The following ALG9 variants were observed in gnomAD, a reference collection of about 807,000 sequenced individuals.
ALG9 encodes alpha-1,2-mannosyltransferase ALG9.
ALG9 carries 55 observed loss-of-function variants against 81.8 expected under a neutral mutation model. The observed-to-expected ratio is 0.67, with a 90% confidence interval of 0.54 to 0.84. The LOEUF (loss-of-function observed/expected upper bound fraction) is 0.84, where lower values mean the gene tolerates loss of function less well. Ranked by LOEUF, ALG9 falls within the 40% of genes least tolerant of loss-of-function variation. The probability of loss-of-function intolerance (pLI) is 0.00; values close to 1 mark genes in which losing one functional copy is unlikely to be tolerated. For missense variants in ALG9, 629 were observed against 745.0 expected (o/e 0.84, Z 1.81); for synonymous variants, 278 against 274.3 (o/e 1.01, Z -0.13).
At chr11:111,841,030 G>C (rs1956138975) in intron 9 of ALG9, among the ~76,000 whole-genome samples, 1 of 152,058 alleles carries the variant, frequency 6.6e-6, no homozygotes, top group African/African-American at 2.4e-5. Flanking sequence ...CTAACAACAA[G>C]CACAATACTA....
chr11:111,768,842 C>CGTGTGT, the ALG9 span: 2,815 of 142,898 alleles, frequency 0.02, 38 homozygotes, highest in Middle Eastern at 0.074. Context: ...TGTGTGTGTG[C>CGTGTGT]GTGTGTGTGT....
intron 3 of ALG9, among the ~76,000 whole-genome samples, chr11:111,867,227 CCT>C (rs1216041103): frequency 6.6e-6 from 1 of 152,210 alleles, no homozygotes; most frequent in Non-Finnish European, 1.5e-5. Flanking sequence ...TGCAATCATA[CCT>C]CTCTTTTGTC....
At chr11:111,800,388 G>A (rs1342647292) in intron 14 of ALG9, among the ~76,000 whole-genome samples, 4 of 152,056 alleles carry the variant, frequency 2.6e-5, no homozygotes, top group Admixed American at 2.6e-4. Context: ...GGCTGAGGCA[G>A]GAGAATCACT....
At position 111,782,288 on chromosome 11, in the gene ALG9, G is replaced by C. The variant is rs1240235450; in HGVS notation, c.*4109C>G. The C allele has an allele frequency of 1.3e-5, 2 of 152,262 alleles. No individual in the cohort carries two copies. The highest frequency in any genetic ancestry group is 2.9e-5 in the Non-Finnish European group (2 of 68,040). 9.4% of individuals were successfully genotyped at this position (152,262 alleles called of 1,614,324 possible). On this transcript the variant is annotated 3_prime_UTR_variant, in exon 15 of 15. Coordinates refer to ENST00000616540, the MANE Select transcript of ALG9 (RefSeq NM_024740.2). ...ACGTGAAATAAAGTACAAGGATCAGGAAGACAAGTGAATTGGACAATACTC... is the reference window on the plus strand; with the variant it reads ...ACGTGAAATAAAGTACAAGGATCAGCAAGACAAGTGAATTGGACAATACTC...
intron 10 of ALG9, 125 bp downstream of exon 10, chr11:111,840,530 T>C: frequency 9.0e-7 from 1 of 1,112,072 alleles, no homozygotes; most frequent in Admixed American, 1.9e-5. Flanking sequence ...ATGATCTATA[T>C]CAGGTTTAAT....
rs782009385 is a variant in ALG9 at position 111,868,632 on chromosome 11, T to C, written c.375A>G (p.Ala125=). ...TAGTTTGTAGAATTCTTGCATGAAA[T>C]GCAGCTGGCCAGGCATGAAGCAACA... ...AYLLLHAWPA[A]FHARILQTNK... Residue 125 remains alanine (A), a synonymous_variant, in exon 3 of 15, where the codon GCA becomes GCG. Coordinates refer to ENST00000616540, the MANE Select transcript of ALG9 (RefSeq NM_024740.2). The C allele has an allele frequency of 6.2e-7, 1 of 1,614,026 alleles. No individual in the cohort carries two copies. The highest frequency in any genetic ancestry group is 1.1e-5 in the South Asian group (1 of 91,086).
chr11:111,862,230 C>CT (rs1273334421), intron 4 of ALG9, among the ~76,000 whole-genome samples: 2 of 143,532 alleles, frequency 1.4e-5, no homozygotes. Flanking sequence ...TTACATGTTT[C>CT]TTTTTTTTCT....
chr11:111,781,699 G>A (rs1319546109), downstream of ALG9, among the ~76,000 whole-genome samples: 1 of 151,946 alleles, frequency 6.6e-6, no homozygotes, highest in Non-Finnish European at 1.5e-5. Context: ...CCAGGCTGGA[G>A]TGGAATGGTG....
chr11:111,824,181 T>A lies in ALG9; in HGVS notation c.1602+11984A>T, dbSNP rs918048466. 3.3e-5 allele frequency among the ~76,000 whole-genome samples: 5 copies of A among 152,206 alleles called. No individual in the cohort carries two copies. In the East Asian group the frequency reaches 9.6e-4, roughly 29 times the overall value. Reference sequence around the variant, plus strand: ...ATAAATCGGACTTTTAAAATATCAGTGTATATAAAATATTTTAAGAATGCA... The same window carrying A: ...ATAAATCGGACTTTTAAAATATCAGAGTATATAAAATATTTTAAGAATGCA... On this transcript the variant is annotated intron_variant, in intron 13 of 14. Transcript: ENST00000616540.
chr11:111,864,577 T>A, intron 4 of ALG9: 1 of 539,658 alleles, frequency 1.9e-6, no homozygotes, highest in South Asian at 2.4e-5. Flanking sequence ...TGCTGTAATA[T>A]ACGAACTTCT....
chr11:111,870,992 T>C, intron 1 of ALG9: 10 of 1,028,000 alleles, frequency 9.7e-6, no homozygotes, highest in Non-Finnish European at 1.2e-5. Flanking sequence ...ATGGGCCCAG[T>C]AAAGGGTCGG....
intron 9 of ALG9, among the ~76,000 whole-genome samples, chr11:111,841,692 A>G (rs1301602666): frequency 2.6e-5 from 4 of 152,238 alleles, no homozygotes; most frequent in African/African-American, 4.8e-5. Context: ...TTACAAGATC[A>G]GGATTATCGT....
chr11:111,858,438 A>G (rs1004553427), intron 5 of ALG9, among the ~76,000 whole-genome samples: 1 of 152,230 alleles, frequency 6.6e-6, no homozygotes, highest in Non-Finnish European at 1.5e-5. Flanking sequence ...CTTATCTTCC[A>G]TTGGTCCTCT....
chr11:111,775,926 T>C, the ALG9 span, among the ~76,000 whole-genome samples: 1 of 152,192 alleles, frequency 6.6e-6, no homozygotes, highest in Non-Finnish European at 1.5e-5. Flanking sequence ...TACCATTTTC[T>C]ACCTAGGTGA....
At chr11:111,846,888 C>G (rs1253438743) in intron 8 of ALG9, among the ~76,000 whole-genome samples, 1 of 152,112 alleles carries the variant, frequency 6.6e-6, no homozygotes, top group South Asian at 2.1e-4. Context: ...ACAAGCTAAA[C>G]GCTGAACTGG....
chr11:111,856,049 C>T (rs782129553), intron 6 of ALG9, among the ~76,000 whole-genome samples: 1 of 152,004 alleles, frequency 6.6e-6, no homozygotes, highest in Non-Finnish European at 1.5e-5. Context: ...GAGGCCGAGA[C>T]AGGTGGATCA....
At chr11:111,823,560 C>G (rs1952768001) in intron 13 of ALG9, among the ~76,000 whole-genome samples, 1 of 152,144 alleles carries the variant, frequency 6.6e-6, no homozygotes, top group African/African-American at 2.4e-5. Flanking sequence ...TTGTTGATGT[C>G]AAGGAGCTAT....
At chr11:111,805,290 T>C in intron 14 of ALG9, 1 of 456,336 alleles carries the variant, frequency 2.2e-6, no homozygotes, top group Middle Eastern at 3.3e-4. Context: ...ACTGGCATCG[T>C]GATCTTGGTC....
At chr11:111,829,485 G>A (rs1250474835) in intron 13 of ALG9, among the ~76,000 whole-genome samples, 1 of 152,146 alleles carries the variant, frequency 6.6e-6, no homozygotes, top group Non-Finnish European at 1.5e-5. Context: ...AGAGAAAAAG[G>A]TAATAGCGGG....
Sources: allele counts gnomAD v4.1 joint callset (sites outside exome capture counted in the v4.1 genomes callset), GRCh38; gene constraint gnomAD v4.1.1; transcripts MANE v1.5; gene names NCBI Gene and HGNC (gene_info 2026-07-23, HGNC 2026-07-21).